APBA1: variants seen among roughly 807,000 people sequenced by gnomAD.
The protein encoded by APBA1 is amyloid-beta A4 precursor protein-binding family A member 1.
In APBA1, 55 loss-of-function variants were observed where a neutral mutation model predicts 86.6. The observed-to-expected ratio is 0.64, with a 90% CI of 0.51 to 0.80. The LOEUF is 0.80. Ranked by LOEUF, APBA1 falls within the 30% of genes least tolerant of loss-of-function variation. The pLI is 0.00. For synonymous variants in APBA1, 511 were observed against 493.9 expected (o/e 1.03, Z -0.46); for missense variants, 1,090 against 1,183.0 (o/e 0.92, Z 1.15).
intron 1 of APBA1, among the ~76,000 whole-genome samples, chr9:69,587,549 C>T (rs545398756): frequency 1.5e-4 from 23 of 152,204 alleles, no homozygotes; most frequent in Middle Eastern, 3.4e-3. Flanking sequence ...TGACATTTCT[C>T]GGCATCCCTT....
At chr9:69,512,507 A>G (rs1381690131) in intron 2 of APBA1, among the ~76,000 whole-genome samples, 1 of 152,196 alleles carries the variant, frequency 6.6e-6, no homozygotes, top group African/African-American at 2.4e-5. Context: ...TGCCATTTTG[A>G]GAATGCAAAT....
intron 1 of APBA1, among the ~76,000 whole-genome samples, chr9:69,594,501 T>A (rs538686140): frequency 1.3e-5 from 2 of 152,084 alleles, no homozygotes; most frequent in Non-Finnish European, 2.9e-5. Context: ...AACTAAGGAA[T>A]GTGAAGAGAA....
At chr9:69,436,497 C>T (rs1318979801) in intron 11 of APBA1, among the ~76,000 whole-genome samples, 1 of 151,720 alleles carries the variant, frequency 6.6e-6, no homozygotes. Flanking sequence ...TCCTTCACAT[C>T]CCTTGTAAGT....
At chr9:69,575,802 G>A (rs905332907) in intron 1 of APBA1, among the ~76,000 whole-genome samples, 3 of 152,144 alleles carry the variant, frequency 2.0e-5, no homozygotes, top group Non-Finnish European at 2.9e-5. Context: ...CATGGGCAAG[G>A]ACTTCATGTC....
At chr9:69,515,660 G>A (rs1355508613) in intron 2 of APBA1, among the ~76,000 whole-genome samples, 1 of 134,578 alleles carries the variant, frequency 7.4e-6, no homozygotes, top group Non-Finnish European at 1.6e-5. Flanking sequence ...AAATTCTCGG[G>A]CCCCACTCCA....
chr9:69,525,078 AC>A (rs1204835080), intron 1 of APBA1, among the ~76,000 whole-genome samples: 3 of 152,218 alleles, frequency 2.0e-5, no homozygotes, highest in Non-Finnish European at 2.9e-5. Flanking sequence ...AAAGGAACAT[AC>A]CTCAAAATAA....
chr9:69,464,466 T>C (rs1481352451), intron 5 of APBA1: 1 of 152,248 alleles, frequency 6.6e-6, no homozygotes, highest in Non-Finnish European at 1.5e-5. Flanking sequence ...GTTTTCCAAA[T>C]GCCTATTCTG....
intron 2 of APBA1, among the ~76,000 whole-genome samples, chr9:69,482,526 G>T (rs529211252): frequency 4.6e-5 from 7 of 151,032 alleles, no homozygotes; most frequent in South Asian, 4.2e-4. Flanking sequence ...CTGTTGGTGG[G>T]ACTGTAAACT....
intron 1 of APBA1, among the ~76,000 whole-genome samples, chr9:69,666,526 G>T (rs1041297042): frequency 4.6e-5 from 7 of 151,766 alleles, no homozygotes; most frequent in Admixed American, 2.6e-4. Context: ...TGATATTAAG[G>T]ACATGCCTCC....
chr9:69,551,705 G>A (rs11139300), intron 1 of APBA1, among the ~76,000 whole-genome samples: 46,233 of 152,062 alleles, frequency 0.3, 8,198 homozygotes, highest in Middle Eastern at 0.39. Context: ...TTGCTGGAAC[G>A]AAAATCCTAA....
At chr9:69,670,527 T>C (rs1258723510) in intron 1 of APBA1, among the ~76,000 whole-genome samples, 1 of 152,184 alleles carries the variant, frequency 6.6e-6, no homozygotes, top group East Asian at 1.9e-4. Context: ...AGTGTCGAGA[T>C]ATTAAGTGTA....
At chr9:69,595,152 A>T (rs1822204057) in intron 1 of APBA1, among the ~76,000 whole-genome samples, 1 of 152,212 alleles carries the variant, frequency 6.6e-6, no homozygotes, top group African/African-American at 2.4e-5. Context: ...TGAGGCTCAA[A>T]TAAACTTTAT....
At chr9:69,489,413 T>C (rs1411674374) in intron 2 of APBA1, among the ~76,000 whole-genome samples, 12 of 152,106 alleles carry the variant, frequency 7.9e-5, no homozygotes, top group Non-Finnish European at 1.5e-4. Context: ...TGCTGAAAAC[T>C]GGCTAGCCAT....
intron 1 of APBA1, among the ~76,000 whole-genome samples, chr9:69,545,476 T>C (rs7019109): frequency 0.57 from 86,620 of 152,058 alleles, 26,123 homozygotes; most frequent in Non-Finnish European, 0.66. Context: ...TACTTGAAAC[T>C]GAAAATTCTA....
intron 1 of APBA1, among the ~76,000 whole-genome samples, chr9:69,663,189 C>T (rs745860836): frequency 1.3e-5 from 2 of 152,194 alleles, no homozygotes; most frequent in African/African-American, 2.4e-5. Context: ...GGATAGGAAG[C>T]ATCAGGGTGG....
At chr9:69,588,737 TG>T (rs1822071409) in intron 1 of APBA1, among the ~76,000 whole-genome samples, 1 of 152,208 alleles carries the variant, frequency 6.6e-6, no homozygotes, top group Non-Finnish European at 1.5e-5. Flanking sequence ...ACGTATCATA[TG>T]GCAGGCATTA....
intron 1 of APBA1, among the ~76,000 whole-genome samples, chr9:69,611,544 A>G (rs1588392785): frequency 6.6e-6 from 1 of 152,202 alleles, no homozygotes; most frequent in South Asian, 2.1e-4. Context: ...TTTAAAAACC[A>G]AACTGGTTTA....
chr9:69,600,596 T>G (rs1822328769), intron 1 of APBA1, among the ~76,000 whole-genome samples: 1 of 151,900 alleles, frequency 6.6e-6, no homozygotes, highest in Non-Finnish European at 1.5e-5. Context: ...GTCAGGAGTT[T>G]GAGATCAGCC....
upstream of APBA1, chr9:69,672,449 G>C (rs1453935448): frequency 6.6e-6 from 1 of 150,584 alleles, no homozygotes; most frequent in East Asian, 2.0e-4. Flanking sequence ...GCTGGGGCCG[G>C]GCGGGCCTGC....
Sources: gnomAD v4.1 joint callset for allele counts (sites outside exome capture counted in the v4.1 genomes callset) on GRCh38, gnomAD v4.1.1 for gene constraint, MANE v1.5 for transcripts, NCBI Gene and HGNC (gene_info 2026-07-23, HGNC 2026-07-21) for gene names.